Variants in NADK2 observed in about 807,000 individuals in gnomAD.
NADK2 encodes NAD kinase domain-containing protein 1, mitochondrial.
A neutral mutation model predicts 62.1 loss-of-function variants in NADK2; 35 were observed. The ratio of observed to expected loss-of-function variants is 0.56; its 90% confidence interval spans 0.43 to 0.75. NADK2 has a LOEUF of 0.75. Among genes scored for constraint, NADK2 ranks in the 30% least tolerant of loss-of-function variants. NADK2 has a pLI of 0.00. For synonymous variants in NADK2, 205 were observed against 207.9 expected (o/e 0.99, Z 0.12); for missense variants, 439 against 561.3 (o/e 0.78, Z 2.20).
intron 6 of NADK2, among the ~76,000 whole-genome samples, chr5:36,215,994 G>C (rs1747027378): frequency 2.0e-5 from 3 of 152,090 alleles, no homozygotes; most frequent in South Asian, 4.1e-4. Context: ...TTCTATTTTA[G>C]ATTTTTGAGA....
In NADK2 at chr5:36,206,516, GAA is replaced by G. The variant is rs3086394; in HGVS notation, c.956+652_956+653del. 0.013 allele frequency among the ~76,000 whole-genome samples: 1,823 copies of G among 145,426 alleles called. 154 individuals carry two copies. The East Asian group carries it at 0.22, about 17-fold the overall frequency. ...TATATAGAGGGGAGAATGAAGAATG[GAA>G]AAAAAAAATGCTTTTTTTCTCTAGA... On this transcript the variant is annotated intron_variant, in intron 8 of 11. Transcript: ENST00000381937.
intron 4 of NADK2, among the ~76,000 whole-genome samples, chr5:36,222,934 A>G (rs1747330118): frequency 6.6e-6 from 1 of 152,198 alleles, no homozygotes; most frequent in Non-Finnish European, 1.5e-5. Flanking sequence ...ACATGTTACA[A>G]TTTTAATACC....
intron 11 of NADK2, 54 bp downstream of exon 11, chr5:36,197,487 T>G (rs1746272071): frequency 2.5e-6 from 4 of 1,606,876 alleles, no homozygotes; most frequent in Non-Finnish European, 3.4e-6. Context: ...CCAAGTGGGC[T>G]TTGTAACAAT....
At chr5:36,223,571 T>C (rs1232457835) in intron 4 of NADK2, among the ~76,000 whole-genome samples, 1 of 152,172 alleles carries the variant, frequency 6.6e-6, no homozygotes, top group African/African-American at 2.4e-5. Context: ...GTATCATAAA[T>C]GCCAACAAAG....
At chr5:36,219,722 GA>G in intron 4 of NADK2, 43 bp from the exon 5 acceptor site, 8 of 1,475,230 alleles carry the variant, frequency 5.4e-6, no homozygotes, top group East Asian at 2.3e-5. Flanking sequence ...AAGAGGAAAA[GA>G]AAAAAGGTGA....
intron 1 of NADK2, among the ~76,000 whole-genome samples, chr5:36,230,997 C>T (rs1244091201): frequency 1.3e-5 from 2 of 152,202 alleles, no homozygotes; most frequent in African/African-American, 4.8e-5. Flanking sequence ...AGCTGGCCCT[C>T]ATACTTCAAT....
chr5:36,236,115 G>A (rs1324866110), intron 1 of NADK2, among the ~76,000 whole-genome samples: 1 of 151,984 alleles, frequency 6.6e-6, no homozygotes, highest in African/African-American at 2.4e-5. Flanking sequence ...TGATAACAGT[G>A]AAAAATTTTG....
chr5:36,228,424 CT>C (rs1221662093), intron 1 of NADK2, among the ~76,000 whole-genome samples: 1 of 151,966 alleles, frequency 6.6e-6, no homozygotes, highest in Non-Finnish European at 1.5e-5. Context: ...TTTCCTTTCC[CT>C]TTTTCTTTTC....
rs1234631086 is a variant in NADK2 at position 36,201,297 on chromosome 5, G to A, written c.957-136C>T. 1.3e-5 allele frequency: 9 copies of A among 703,924 alleles called. No individual in the cohort carries two copies. In the Admixed American group the frequency reaches 1.6e-4, roughly 12 times the overall value. 43.6% of individuals were successfully genotyped at this position (703,924 alleles called of 1,614,324 possible). On this transcript the variant is annotated intron_variant, in intron 8 of 11. Transcript: ENST00000381937. ...TCTAAATGAACAAAGTTAAAAACTG[G>A]TAAATAATGTGCTAGTATGGGTATG...
chr5:36,235,890 T>A (rs867758200), intron 1 of NADK2, among the ~76,000 whole-genome samples: 1,827 of 19,114 alleles, frequency 0.096, 155 homozygotes, highest in East Asian at 0.3. Context: ...GAAGAAAATA[T>A]ATATATATAT....
rs1454083920 is a variant in NADK2, at chr5:36,200,231, C to G, written c.1062G>C (p.Glu354Asp). The change falls in exon 10 of 12, where the codon GAG (glutamate) becomes GAC (aspartate). Residue 354 changes from glutamate (E) to aspartate (D), a missense_variant. Glu to Asp is a conservative substitution (Grantham distance 45). Transcript: ENST00000381937. ...TTATTATCATTTGTCACTGACCTTT[C>G]TCTACCAATTCTCTGTTCAATGGAA... ...LSLPLNRELV[E>D]KVTNEYNESL... 10 of 1,578,608 alleles carry G rather than the reference C, an allele frequency of 6.3e-6. No homozygotes were observed. Among genetic ancestry groups the G allele is most frequent in the Non-Finnish European group, 8.6e-6 (10 of 1,162,124 alleles).
Position 36,200,215 on chromosome 5 carries a change from T to C in NADK2, c.1066+12A>G, listed in dbSNP as rs889960113. On this transcript the variant is annotated intron_variant, in intron 10 of 11. Coordinates refer to ENST00000381937, the MANE Select transcript of NADK2 (RefSeq NM_001085411.3). ...ACTAAACTGTTAGTGATTATTATCA[T>C]TTGTCACTGACCTTTCTCTACCAAT... 3 of 1,564,946 alleles carry C rather than the reference T, an allele frequency of 1.9e-6. No individual in the cohort carries two copies. In the Middle Eastern group the frequency reaches 5.1e-4, roughly 266 times the overall value.
At chr5:36,228,041 T>C (rs1478271570) in intron 1 of NADK2, among the ~76,000 whole-genome samples, 1 of 152,118 alleles carries the variant, frequency 6.6e-6, no homozygotes, top group African/African-American at 2.4e-5. Flanking sequence ...GGCGGTTAGA[T>C]GACCTTTGTT....
At chr5:36,231,081 G>C (rs549463448) in intron 1 of NADK2, among the ~76,000 whole-genome samples, 128 of 152,258 alleles carry the variant, frequency 8.4e-4, no homozygotes, top group African/African-American at 3.1e-3. Context: ...CAGGAAAAAA[G>C]CACATAAACC....
Position 36,241,879 on chromosome 5 carries a change from G to C in NADK2, c.-81C>G, listed in dbSNP as rs528421510. On this transcript the variant is annotated 5_prime_UTR_variant, in exon 1 of 12. Coordinates refer to ENST00000381937, the MANE Select transcript of NADK2 (RefSeq NM_001085411.3). This position sits in a 1 kb window ranked among gnomAD's most constrained non-coding sequence, Gnocchi z 4.9. ...ACCGCCGGGAGTGCGCGCCGTCCGCGCCGCCCGGGCCTCTAACTTCGCGCC... is the reference window on the plus strand; with the variant it reads ...ACCGCCGGGAGTGCGCGCCGTCCGCCCCGCCCGGGCCTCTAACTTCGCGCC... The C allele has an allele frequency of 1.7e-3, 1,834 of 1,074,582 alleles. 24 individuals carry two copies. In the African/African-American group the frequency reaches 0.029, roughly 17 times the overall value. 66.6% of individuals were successfully genotyped at this position (1,074,582 alleles called of 1,614,324 possible). A position where few individuals can be genotyped will look rare whatever the true frequency, so the allele number is the denominator to read the frequency against.
chr5:36,241,961 AC>A, upstream of NADK2: 2 of 479,142 alleles, frequency 4.2e-6, no homozygotes, highest in Non-Finnish European at 5.9e-6. This position sits in a 1 kb window ranked among gnomAD's most constrained non-coding sequence, Gnocchi z 4.9. Flanking sequence ...AGGGGGACGT[AC>A]CCAGGCGTTG....
chr5:36,206,492 A>T (rs972307722), intron 8 of NADK2, among the ~76,000 whole-genome samples: 1 of 151,722 alleles, frequency 6.6e-6, no homozygotes, highest in Admixed American at 6.6e-5. Context: ...AGACTGGGAT[A>T]TATAGAGGGG....
chr5:36,233,479 G>A (rs570124091), intron 1 of NADK2, among the ~76,000 whole-genome samples: 144 of 152,198 alleles, frequency 9.5e-4, no homozygotes, highest in African/African-American at 3.3e-3. Flanking sequence ...ACCTTTATAA[G>A]GTCCACTCTA....
At chr5:36,228,349 G>C (rs555188432) in intron 1 of NADK2, among the ~76,000 whole-genome samples, 6 of 152,248 alleles carry the variant, frequency 3.9e-5, no homozygotes, top group African/African-American at 1.4e-4. Context: ...GTCCACTAGA[G>C]TGAATGCTAG....
Sources: gnomAD v4.1 joint callset for allele counts (sites outside exome capture counted in the v4.1 genomes callset) on GRCh38, gnomAD v4.1.1 for gene constraint, Gnocchi (gnomAD v3.1) non-coding constraint, MANE v1.5 for transcripts, NCBI Gene and HGNC (gene_info 2026-07-23, HGNC 2026-07-21) for gene names.